The following CBARP variants were observed in gnomAD, a reference collection of about 807,000 sequenced individuals.
CBARP encodes CACN subunit beta associated regulatory protein.
A neutral mutation model predicts 36.3 loss-of-function variants in CBARP; 24 were observed. The ratio of observed to expected loss-of-function variants is 0.66; its 90% CI spans 0.48 to 0.93. The LOEUF (loss-of-function observed/expected upper bound fraction) is 0.93. CBARP is among the 40% of genes least tolerant of loss of function. The pLI is 0.00. For synonymous variants in CBARP, 586 were observed against 453.2 expected (o/e 1.29, Z -3.72); for missense variants, 1,146 against 980.4 (o/e 1.17, Z -2.26).
rs868310066 is a variant in CBARP at position 1,237,841 on chromosome 19, G to A, written c.-107C>T. The A allele has an allele frequency of 3.5e-4, 52 of 148,284 alleles. No individual in the cohort carries two copies. The South Asian group carries it at 0.011, about 30-fold the overall frequency. The allele number at this position is 148,284 out of a possible 1,614,324, so 9.2% of individuals were successfully genotyped here. ...TCGCGGCTGGCTCCGGCGCCCGGTGGCCGCGGAGCAGGCGGAGAATTTATG... is the reference window on the plus strand; with the variant it reads ...TCGCGGCTGGCTCCGGCGCCCGGTGACCGCGGAGCAGGCGGAGAATTTATG... On this transcript the variant is annotated 5_prime_UTR_variant, in exon 1 of 10. Transcript: ENST00000650044.
chr19:1,233,849 C>G (rs911523054), intron 7 of CBARP, among the ~76,000 whole-genome samples: 2 of 152,338 alleles, frequency 1.3e-5, no homozygotes, highest in African/African-American at 4.8e-5. Context: ...GGGAAGGTCC[C>G]TGGATATGGG....
At chr19:1,231,757 C>T (rs1000358125) in intron 8 of CBARP, among the ~76,000 whole-genome samples, 1 of 151,706 alleles carries the variant, frequency 6.6e-6, no homozygotes, top group African/African-American at 2.4e-5. Context: ...CAGGTGGGTG[C>T]GGACAGTGGC....
At chr19:1,231,937 G>A (rs1054644427) in intron 8 of CBARP, among the ~76,000 whole-genome samples, 8 of 152,098 alleles carry the variant, frequency 5.3e-5, no homozygotes, top group East Asian at 1.9e-4. Context: ...TCATAAGGGC[G>A]TGTCCTGGAC....
At chr19:1,230,857 T>C (rs377468857) in intron 9 of CBARP, 5 of 1,496,306 alleles carry the variant, frequency 3.3e-6, no homozygotes, top group Non-Finnish European at 4.4e-6. Context: ...AGCGCCATCC[T>C]CGGGGGGCCC....
chr19:1,235,859 G>A lies in CBARP; in HGVS notation c.165C>T (p.Phe55=), dbSNP rs556506706. Residue 55 remains phenylalanine, a synonymous_variant, in exon 3 of 10, where the codon TTC becomes TTT. Transcript: ENST00000650044. ...YVLLVVVMSL[F]VGGTLVVLSG... ...ACAACACCACCAGCGTGCCCCCCAC[G>A]AACAGCGACATCACCACCACCAGCA... 5.6e-6 allele frequency: 9 copies of A among 1,612,026 alleles called. No homozygotes were observed. The highest frequency in any genetic ancestry group is 3.3e-5 in the South Asian group (3 of 91,086).
At chr19:1,236,238 T>C (rs1438766382) in intron 1 of CBARP, 117 bp from the exon 2 acceptor site, 7 of 1,305,440 alleles carry the variant, frequency 5.4e-6, no homozygotes, top group South Asian at 2.2e-5. Context: ...CAGTGACTCA[T>C]GGAGAGGTAG....
intron 8 of CBARP, among the ~76,000 whole-genome samples, chr19:1,232,115 C>A (rs894266081): frequency 6.6e-6 from 1 of 152,106 alleles, no homozygotes; most frequent in African/African-American, 2.4e-5. Context: ...GCCCCCTTCT[C>A]CCAACAGCCT....
intron 7 of CBARP, among the ~76,000 whole-genome samples, chr19:1,233,929 G>A (rs2080927149): frequency 1.3e-5 from 2 of 152,150 alleles, no homozygotes; most frequent in East Asian, 1.9e-4. Context: ...GGTGAGGGAG[G>A]GCAGGGGTGG....
chr19:1,234,823 C>T, intron 5 of CBARP, 81 bp from the exon 6 acceptor site: 1 of 1,541,734 alleles, frequency 6.5e-7, no homozygotes, highest in Non-Finnish European at 8.8e-7. Context: ...ATCCACCCTG[C>T]CGGCCTGGGC....
rs751898880 is a variant in CBARP at position 1,236,047 on chromosome 19, AGTGGTG to A, written c.48_53del (p.Thr17_Thr18del). On this transcript the variant is annotated inframe_deletion, in exon 2 of 10. Transcript: ENST00000650044. ...ACGACGTCGTCAGGGCTACTGTGGC[AGTGGTG>A]GTGGTGGTGGTGGTGGCGGCTGTGG... 1,558 of 1,492,306 alleles carry A rather than the reference AGTGGTG, an allele frequency of 1.0e-3. 4 individuals are homozygous for A. The highest frequency in any genetic ancestry group is 3.2e-3 in the Middle Eastern group (18 of 5,660). The allele number at this position is 1,492,306 out of a possible 1,614,324, so 92.4% of individuals were successfully genotyped here.
At position 1,229,399 on chromosome 19, in the gene CBARP, C is replaced by T; in HGVS notation, c.1898G>A (p.Gly633Asp). The T allele has an allele frequency of 9.1e-7, 1 of 1,094,030 alleles. No homozygotes were observed. The highest frequency in any genetic ancestry group is 1.9e-5 in the South Asian group (1 of 53,466). 67.8% of individuals were successfully genotyped at this position (1,094,030 alleles called of 1,614,324 possible). A position where few individuals can be genotyped will look rare whatever the true frequency, so the allele number is the denominator to read the frequency against. The change falls in exon 10 of 10, where the codon GGC (glycine) becomes GAC (aspartate). Residue 633 changes from glycine (G) to aspartate (D), a missense_variant. Gly to Asp is a moderately conservative substitution (Grantham distance 94). Coordinates refer to ENST00000650044, the MANE Select transcript of CBARP (RefSeq NM_001393918.1). This position sits in a 1 kb window ranked among gnomAD's most constrained non-coding sequence, Gnocchi z 5.1. ...DGPPDGRTLG[G>D]AGDDPAIPVI... ...GGGGATGGCGGGGTCGTCGCCGGCG[C>T]CGCCCAGGGTGCGACCGTCGGGCGG...
At chr19:1,235,597 C>T (rs2080958230) in intron 3 of CBARP, 32 bp from the exon 4 acceptor site, 3 of 1,599,340 alleles carry the variant, frequency 1.9e-6, no homozygotes, top group Admixed American at 1.7e-5. Context: ...CCCAGTGGCA[C>T]GGAGGGCCCA....
chr19:1,236,628 C>T (rs573760589), intron 1 of CBARP, among the ~76,000 whole-genome samples: 4 of 152,040 alleles, frequency 2.6e-5, no homozygotes, highest in African/African-American at 9.6e-5. Context: ...CCGCTGCCTG[C>T]GCGCCAGGGA....
intron 8 of CBARP, among the ~76,000 whole-genome samples, chr19:1,232,663 C>T (rs1189836499): frequency 2.0e-5 from 3 of 152,250 alleles, no homozygotes; most frequent in Admixed American, 2.0e-4. Context: ...TGAAGGGCTA[C>T]TGTCAAACAG....
At position 1,229,081 on chromosome 19, in the gene CBARP, A is replaced by T. The variant is rs1389055516; in HGVS notation, c.*98T>A. On this transcript the variant is annotated 3_prime_UTR_variant, in exon 10 of 10. Transcript: ENST00000650044. The surrounding 1 kb of genome is among the most constrained non-coding windows in gnomAD (Gnocchi z 5.1). Reference sequence around the variant, plus strand: ...CGCGAAGGGCCCGCGGTCCCCGCGCATTCGCGTCGGGGCGTCGCGCCCCCA... The same window carrying T: ...CGCGAAGGGCCCGCGGTCCCCGCGCTTTCGCGTCGGGGCGTCGCGCCCCCA... 2 of 324,504 alleles carry T rather than the reference A, an allele frequency of 6.2e-6. No individual in the cohort carries two copies. The highest frequency in any genetic ancestry group is 8.8e-6 in the Non-Finnish European group (2 of 226,000). 20.1% of individuals were successfully genotyped at this position (324,504 alleles called of 1,614,324 possible).
rs1314668266 is a variant in CBARP at position 1,230,098 on chromosome 19, G to A, written c.1199C>T (p.Pro400Leu). ...CGCGCTGCCCGCGCCGCGCTCCGGG[G>A]GGGAATCGGGGCTCGCTCCTCCCGC... ...EAAGGASPDSPPERGAGSAGP... is the reference protein window; with the variant it reads ...EAAGGASPDSLPERGAGSAGP... The change falls in exon 10 of 10, where the codon CCC becomes CTC. Residue 400 changes from proline to leucine, a missense_variant. Transcript: ENST00000650044. The A allele has an allele frequency of 2.8e-6, 3 of 1,080,216 alleles. No individual in the cohort carries two copies. The highest frequency in any genetic ancestry group is 5.8e-5 in the Admixed American group (1 of 17,374). The allele number at this position is 1,080,216 out of a possible 1,614,324, so 66.9% of individuals were successfully genotyped here. A position where few individuals can be genotyped will look rare whatever the true frequency, so the allele number is the denominator to read the frequency against.
intron 8 of CBARP, among the ~76,000 whole-genome samples, chr19:1,231,486 C>T (rs1346588023): frequency 2.7e-5 from 3 of 113,062 alleles, no homozygotes; most frequent in Admixed American, 1.7e-4. Flanking sequence ...ACGCCTGTGG[C>T]CCCCATACAC....
intron 9 of CBARP, chr19:1,230,384 G>T (rs2080874423): frequency 2.0e-6 from 2 of 987,224 alleles, no homozygotes; most frequent in Non-Finnish European, 2.4e-6. Context: ...CAGACGGCGG[G>T]GCCCCCTCCC....
Position 1,235,825 on chromosome 19 carries a change from G to C in CBARP, c.199C>G (p.Leu67Val), listed in dbSNP as rs1404605478. The change falls in exon 3 of 10, where the codon CTG becomes GTG. Residue 67 changes from leucine (L) to valine (V), a missense_variant. Transcript: ENST00000650044. ...GGTLVVLSGV[L>V]LLCKRCWDVH... ...TCCCAGCAGCGCTTGCAGAGGAGCAGGACGCCAGACAACACCACCAGCGTG... is the reference window on the plus strand; with the variant it reads ...TCCCAGCAGCGCTTGCAGAGGAGCACGACGCCAGACAACACCACCAGCGTG... 4 of 1,610,710 alleles carry C rather than the reference G, an allele frequency of 2.5e-6. No individual in the cohort carries two copies. Among genetic ancestry groups the C allele is most frequent in the East Asian group, 2.2e-5 (1 of 44,890 alleles).
Sources: gnomAD v4.1 joint callset for allele counts (sites outside exome capture counted in the v4.1 genomes callset) on GRCh38, gnomAD v4.1.1 for gene constraint, Gnocchi (gnomAD v3.1) non-coding constraint, MANE v1.5 for transcripts, NCBI Gene and HGNC (gene_info 2026-07-23, HGNC 2026-07-21) for gene names.